Variants in CPA6 observed in about 807,000 individuals in gnomAD.
The protein encoded by CPA6 is carboxypeptidase B.
In CPA6, 58 loss-of-function variants were observed where a neutral mutation model predicts 63.3. The observed-to-expected ratio is 0.92, with a 90% CI of 0.74 to 1.14. The LOEUF (loss-of-function observed/expected upper bound fraction) is 1.14. CPA6 is among the 50% of genes most tolerant of loss of function. The probability of loss-of-function intolerance (pLI) is 0.00; values close to 1 mark genes in which losing one functional copy is unlikely to be tolerated. For missense variants in CPA6, 565 were observed against 526.6 expected (o/e 1.07, Z -0.71); for synonymous variants, 185 against 179.0 (o/e 1.03, Z -0.27).
intron 1 of CPA6, among the ~76,000 whole-genome samples, chr8:67,744,514 C>T (rs931539205): frequency 6.6e-6 from 1 of 152,086 alleles, no homozygotes; most frequent in Non-Finnish European, 1.5e-5. Context: ...TAACTTTTCA[C>T]GGAGGAGTGC....
chr8:67,579,004 A>G (rs1228647467), intron 2 of CPA6, among the ~76,000 whole-genome samples: 1 of 152,236 alleles, frequency 6.6e-6, no homozygotes, highest in East Asian at 1.9e-4. Context: ...GCCTGACCAG[A>G]CAAGCCTACC....
At chr8:67,727,084 T>A (rs1020127246) in intron 1 of CPA6, among the ~76,000 whole-genome samples, 5 of 152,144 alleles carry the variant, frequency 3.3e-5, no homozygotes, top group Non-Finnish European at 1.5e-5. Context: ...TTACTTTTAA[T>A]CTGATTATAA....
intron 1 of CPA6, among the ~76,000 whole-genome samples, chr8:67,657,478 C>A (rs938166800): frequency 8.5e-5 from 13 of 152,120 alleles, no homozygotes; most frequent in African/African-American, 2.9e-4. Flanking sequence ...TGAGAAGTAT[C>A]AGAAGAAGAG....
chr8:67,566,573 G>C (rs1232989446), intron 2 of CPA6, among the ~76,000 whole-genome samples: 1 of 152,140 alleles, frequency 6.6e-6, no homozygotes, highest in Non-Finnish European at 1.5e-5. Flanking sequence ...CTAGTCCCTA[G>C]ATACTTCTGC....
intron 2 of CPA6, chr8:67,569,728 T>A (rs933788471): frequency 1.1e-5 from 2 of 186,458 alleles, no homozygotes; most frequent in South Asian, 2.1e-4. Context: ...GAATACTCTG[T>A]CATCACAAAA....
rs572449843 is a variant in CPA6 at position 67,702,131 on chromosome 8, A to G, written c.116+43883T>C. Reference sequence around the variant, plus strand: ...GAATTTGGTGATAAGCAGCTTCCCAATAAGATCTTAGGACTTGGGTGAGTG... The same window carrying G: ...GAATTTGGTGATAAGCAGCTTCCCAGTAAGATCTTAGGACTTGGGTGAGTG... On this transcript the variant is annotated intron_variant, in intron 1 of 10. Transcript: ENST00000297770. Among the ~76,000 whole-genome samples the G allele has an allele frequency of 5.3e-5, 8 of 152,306 alleles. No individual in the cohort carries two copies. The South Asian group carries it at 1.7e-3, about 32-fold the overall frequency.
intron 8 of CPA6, among the ~76,000 whole-genome samples, chr8:67,475,394 C>T (rs984793099): frequency 6.6e-6 from 1 of 152,202 alleles, no homozygotes; most frequent in African/African-American, 2.4e-5. Flanking sequence ...GTGGCACATA[C>T]TGTGATAAAA....
At position 67,518,003 on chromosome 8, in the gene CPA6, T is replaced by C; in HGVS notation, c.237A>G (p.Gly79=). 1 of 1,612,850 alleles carries C rather than the reference T, an allele frequency of 6.2e-7. No individual in the cohort carries two copies. Among genetic ancestry groups the C allele is most frequent in the Non-Finnish European group, 8.5e-7 (1 of 1,179,564 alleles). ...QPSSISYVSE[G]TVTDVHIPQN... ...GGGGGATATGGACATCAGTAACTGT[T>C]CCCTCTGATACATAGGAGATACTGC... Residue 79 remains glycine (G), a synonymous_variant, in exon 3 of 11, where the codon GGA becomes GGG. Transcript: ENST00000297770.
At chr8:67,594,495 A>G (rs1296670813) in intron 2 of CPA6, among the ~76,000 whole-genome samples, 1 of 152,086 alleles carries the variant, frequency 6.6e-6, no homozygotes, top group East Asian at 1.9e-4. Context: ...TCTTGGTTCC[A>G]TTCTCCCCGT....
intron 2 of CPA6, among the ~76,000 whole-genome samples, chr8:67,596,780 G>T (rs879698474): frequency 2.0e-5 from 3 of 152,046 alleles, no homozygotes; most frequent in Non-Finnish European, 2.9e-5. Context: ...TCTCTCTTTG[G>T]TCTCCTTTAA....
At chr8:67,652,488 G>A (rs1398392148) in intron 1 of CPA6, among the ~76,000 whole-genome samples, 1 of 151,892 alleles carries the variant, frequency 6.6e-6, no homozygotes, top group Non-Finnish European at 1.5e-5. Context: ...TTTCTCTGAT[G>A]GCCAGTGATG....
chr8:67,613,156 C>T (rs1168748365), intron 2 of CPA6, among the ~76,000 whole-genome samples: 1 of 152,206 alleles, frequency 6.6e-6, no homozygotes, highest in Non-Finnish European at 1.5e-5. Context: ...ATAATTTCCC[C>T]TACCTCATAC....
intron 2 of CPA6, among the ~76,000 whole-genome samples, chr8:67,622,257 G>A (rs138334674): frequency 3.1e-4 from 47 of 152,322 alleles, no homozygotes; most frequent in African/African-American, 1.1e-3. Context: ...CAATTTCAGT[G>A]GAGACGGAAA....
chr8:67,461,135 A>G lies in CPA6; in HGVS notation c.838+22633T>C, dbSNP rs540895553. On this transcript the variant is annotated intron_variant, in intron 8 of 10. Transcript: ENST00000297770. Reference sequence around the variant, plus strand: ...GGGGGATTTGGCAGGGTCGTAGGACAATAGTGGAGGGAAGGTCGGCAGATA... The same window carrying G: ...GGGGGATTTGGCAGGGTCGTAGGACGATAGTGGAGGGAAGGTCGGCAGATA... Among the ~76,000 whole-genome samples, 15 of 146,090 alleles carry G rather than the reference A, an allele frequency of 1.0e-4. No homozygotes were observed. In the South Asian group the frequency reaches 3.3e-3, roughly 33 times the overall value.
intron 1 of CPA6, among the ~76,000 whole-genome samples, chr8:67,625,500 T>G (rs1587647110): frequency 6.6e-6 from 1 of 152,202 alleles, no homozygotes; most frequent in East Asian, 1.9e-4. Context: ...TGTGTCATGA[T>G]GAGGACAGGT....
intron 8 of CPA6, among the ~76,000 whole-genome samples, chr8:67,443,087 G>A (rs1810331538): frequency 6.7e-6 from 1 of 149,696 alleles, no homozygotes; most frequent in South Asian, 2.1e-4. Flanking sequence ...TTTTGAGACA[G>A]AGTCTTGCTC....
intron 10 of CPA6, among the ~76,000 whole-genome samples, chr8:67,424,347 G>A (rs116313174): frequency 0.031 from 4,670 of 152,076 alleles, 248 homozygotes; most frequent in African/African-American, 0.1. Flanking sequence ...CCATGAAACC[G>A]GTCCCTGGTG....
At chr8:67,657,941 A>G (rs1280412100) in intron 1 of CPA6, among the ~76,000 whole-genome samples, 1 of 152,170 alleles carries the variant, frequency 6.6e-6, no homozygotes, top group Non-Finnish European at 1.5e-5. Flanking sequence ...GCCTCCTGCC[A>G]GCCATGACTC....
At chr8:67,591,758 G>A (rs1814132232) in intron 2 of CPA6, among the ~76,000 whole-genome samples, 1 of 152,208 alleles carries the variant, frequency 6.6e-6, no homozygotes, top group Non-Finnish European at 1.5e-5. Flanking sequence ...CTTTGCTGAA[G>A]TTGCTTATCA....
Sources: gnomAD v4.1 joint callset for allele counts (sites outside exome capture counted in the v4.1 genomes callset) on GRCh38, gnomAD v4.1.1 for gene constraint, MANE v1.5 for transcripts, NCBI Gene and HGNC (gene_info 2026-07-23, HGNC 2026-07-21) for gene names.